The following RAD51B variants were observed in gnomAD, a reference collection of about 807,000 sequenced individuals.
RAD51B encodes the protein RAD51 paralog B.
A neutral mutation model predicts 42.2 loss-of-function variants in RAD51B; 38 were observed. The observed-to-expected ratio is 0.90, with a 90% confidence interval of 0.70 to 1.18. RAD51B has a LOEUF of 1.18. Among genes scored for constraint, RAD51B ranks in the 50% most tolerant of loss-of-function variants. The pLI is 0.00. For missense variants in RAD51B, 373 were observed against 400.7 expected, an observed-to-expected ratio of 0.93 and a Z score of 0.59; for synonymous variants, 154 against 145.2, an observed-to-expected ratio of 1.06 and a Z score of -0.43.
chr14:68,390,989 A>G (rs567331044), intron 8 of RAD51B, among the ~76,000 whole-genome samples: 8 of 152,338 alleles, frequency 5.3e-5, no homozygotes, highest in South Asian at 2.1e-4. Flanking sequence ...TGGGATTGCA[A>G]TGGTGAAAGG....
intron 7 of RAD51B, among the ~76,000 whole-genome samples, chr14:67,970,262 T>G (rs928977994): frequency 6.6e-6 from 1 of 152,170 alleles, no homozygotes; most frequent in Non-Finnish European, 1.5e-5. Flanking sequence ...ATTTCATTAT[T>G]TAAGAAAGTT....
chr14:68,362,848 C>CA lies in RAD51B; in HGVS notation c.854-48566dup, dbSNP rs796123570. Among the ~76,000 whole-genome samples, 1,323 of 143,012 alleles carry CA rather than the reference C, an allele frequency of 9.3e-3. 19 individuals carry two copies. Among genetic ancestry groups the CA allele is most frequent in the African/African-American group, 0.033 (1,272 of 38,768 alleles). The allele number at this position is 143,012 out of a possible 152,430, so 93.8% of individuals were successfully genotyped here. A position where few individuals can be genotyped will look rare whatever the true frequency, so the allele number is the denominator to read the frequency against. ...TGGGTGACAGAGTGAGATTCCGTCTCAAAAAAAAAATTAAAAAAAAAAAGA... is the reference window on the plus strand; with the variant it reads ...TGGGTGACAGAGTGAGATTCCGTCTCAAAAAAAAAAATTAAAAAAAAAAAGA... On this transcript the variant is annotated intron_variant, in intron 8 of 10. Coordinates refer to ENST00000471583, the MANE Select transcript of RAD51B (RefSeq NM_133510.4).
In RAD51B at chr14:68,225,961, G is replaced by A. The variant is rs371014551; in HGVS notation, c.757-65923G>A. ...AAAATGTATATATTCTATTCCTTTC[G>A]AGTGTTTTAAGGTAAATCTTGCTCA... On this transcript the variant is annotated intron_variant, in intron 7 of 10. Transcript: ENST00000471583. Among the ~76,000 whole-genome samples, 12 of 152,234 alleles carry A rather than the reference G, an allele frequency of 7.9e-5. No homozygotes were observed. In the East Asian group the frequency reaches 1.7e-3, roughly 22 times the overall value.
chr14:68,533,303 A>G (rs965825744), intron 10 of RAD51B, among the ~76,000 whole-genome samples: 2 of 152,224 alleles, frequency 1.3e-5, no homozygotes, highest in Admixed American at 6.5e-5. Flanking sequence ...CTGAGATTGT[A>G]GCTGGAGGGG....
At chr14:68,500,898 A>G (rs540078426) in intron 10 of RAD51B, among the ~76,000 whole-genome samples, 3 of 152,306 alleles carry the variant, frequency 2.0e-5, no homozygotes, top group African/African-American at 7.2e-5. Context: ...ACTGGCTGTT[A>G]AGAAGAGCTC....
At chr14:68,149,233 T>C (rs1161169735) in intron 7 of RAD51B, among the ~76,000 whole-genome samples, 1 of 152,210 alleles carries the variant, frequency 6.6e-6, no homozygotes, top group Non-Finnish European at 1.5e-5. Context: ...AATTTTTTTT[T>C]CATGGATTGT....
chr14:68,007,883 A>G (rs542791730), intron 7 of RAD51B, among the ~76,000 whole-genome samples: 1 of 152,198 alleles, frequency 6.6e-6, no homozygotes, highest in Admixed American at 6.5e-5. Context: ...CAGGGAAGAA[A>G]AACAAGTAGC....
intron 7 of RAD51B, among the ~76,000 whole-genome samples, chr14:68,043,834 C>T (rs2076254207): frequency 6.6e-6 from 1 of 152,088 alleles, no homozygotes. Flanking sequence ...AGCCAAATTG[C>T]CAAAGATGGC....
At chr14:68,137,201 G>A (rs557603233) in intron 7 of RAD51B, among the ~76,000 whole-genome samples, 17 of 152,270 alleles carry the variant, frequency 1.1e-4, no homozygotes, top group Middle Eastern at 3.4e-3. Flanking sequence ...ACATGAACCC[G>A]GGAGGCGGAG....
chr14:68,416,912 C>T (rs1340766584), intron 9 of RAD51B, among the ~76,000 whole-genome samples: 1 of 152,072 alleles, frequency 6.6e-6, no homozygotes, highest in Non-Finnish European at 1.5e-5. Flanking sequence ...TTGCTATCTT[C>T]TACAAGTCTT....
At chr14:68,175,063 A>G (rs2078938325) in intron 7 of RAD51B, among the ~76,000 whole-genome samples, 1 of 152,186 alleles carries the variant, frequency 6.6e-6, no homozygotes, top group Admixed American at 6.6e-5. Flanking sequence ...CAGAAAGATC[A>G]AACTATCAAT....
intron 11 of RAD51B, among the ~76,000 whole-genome samples, chr14:68,661,180 G>A (rs932600198): frequency 1.3e-5 from 2 of 152,206 alleles, no homozygotes; most frequent in East Asian, 1.9e-4. Context: ...GTGGTTTCCC[G>A]TGAATGACTA....
chr14:67,952,860 A>G (rs1215157646), intron 7 of RAD51B, among the ~76,000 whole-genome samples: 2 of 152,096 alleles, frequency 1.3e-5, no homozygotes, highest in Non-Finnish European at 2.9e-5. Context: ...CAAAGGAAAA[A>G]AGTTTTTTAG....
At chr14:67,836,229 AC>A (rs1237474039) in intron 4 of RAD51B, among the ~76,000 whole-genome samples, 4 of 152,186 alleles carry the variant, frequency 2.6e-5, no homozygotes, top group Non-Finnish European at 4.4e-5. Flanking sequence ...GGGCCCACTT[AC>A]ATGACTGGCA....
At chr14:68,574,408 C>T (rs1889868308) in intron 10 of RAD51B, among the ~76,000 whole-genome samples, 1 of 152,248 alleles carries the variant, frequency 6.6e-6, no homozygotes, top group Non-Finnish European at 1.5e-5. Context: ...CCTTCACTAT[C>T]AGCACCACAG....
intron 8 of RAD51B, among the ~76,000 whole-genome samples, chr14:68,326,682 C>T (rs1307550622): frequency 6.6e-6 from 1 of 152,190 alleles, no homozygotes; most frequent in Non-Finnish European, 1.5e-5. Flanking sequence ...ATAAAATGAG[C>T]ACAGGTTGCC....
intron 10 of RAD51B, among the ~76,000 whole-genome samples, chr14:68,514,408 C>T (rs183670354): frequency 7.6e-4 from 115 of 152,246 alleles, no homozygotes; most frequent in African/African-American, 2.6e-3. Context: ...TCCAATGAAA[C>T]AAGTGGACAA....
chr14:68,530,667 GA>G (rs1566928105), intron 10 of RAD51B, among the ~76,000 whole-genome samples: 1 of 151,954 alleles, frequency 6.6e-6, no homozygotes, highest in African/African-American at 2.4e-5. Flanking sequence ...TAGCTTTCAA[GA>G]GCCGATTTAA....
At chr14:67,914,272 T>TCAGGG (rs2044081953) in intron 7 of RAD51B, among the ~76,000 whole-genome samples, 1 of 152,180 alleles carries the variant, frequency 6.6e-6, no homozygotes, top group African/African-American at 2.4e-5. Flanking sequence ...TCTGAGCCCC[T>TCAGGG]GTGCCCGGCC....
Sources: gnomAD v4.1 joint callset for allele counts (sites outside exome capture counted in the v4.1 genomes callset) on GRCh38, gnomAD v4.1.1 for gene constraint, MANE v1.5 for transcripts, NCBI Gene and HGNC (gene_info 2026-07-23, HGNC 2026-07-21) for gene names.